The following BMPER variants were observed in gnomAD, a reference collection of about 807,000 sequenced individuals.
BMPER encodes the protein BMP binding endothelial regulator.
In BMPER, 45 loss-of-function variants were observed where a neutral mutation model predicts 87.3. The ratio of observed to expected loss-of-function variants is 0.52; its 90% CI spans 0.41 to 0.66. The LOEUF (loss-of-function observed/expected upper bound fraction) is 0.66, where lower values mean the gene tolerates loss of function less well. Among genes scored for constraint, BMPER ranks in the 30% least tolerant of loss-of-function variants. BMPER has a pLI of 0.00. For synonymous variants in BMPER, 326 were observed against 316.2 expected (o/e 1.03, Z -0.33); for missense variants, 784 against 867.5 (o/e 0.90, Z 1.21).
At chr7:33,922,972 C>T (rs118088808) in intron 2 of BMPER, among the ~76,000 whole-genome samples, 1 of 152,236 alleles carries the variant, frequency 6.6e-6, no homozygotes, top group East Asian at 1.9e-4. Flanking sequence ...CAACACATTG[C>T]TAGCTTGTTT....
chr7:33,970,379 C>A lies in BMPER; in HGVS notation c.453C>A (p.Asn151Lys), dbSNP rs1403986822. The change falls in exon 5 of 15, where the codon AAC becomes AAA. Residue 151 changes from asparagine (N) to lysine (K), a missense_variant. Physicochemically the swap from Asn to Lys is moderately conservative, Grantham distance 94. Transcript: ENST00000649409. ...SGVRCVVHCK[N>K]PLEHLGMCCP... is the part of the protein sequence containing the mutation. ...TGCGCTGTGTTGTTCATTGTAAAAA[C>A]CCTTTGGAGCATCTGGGAATGTGCT... The A allele has an allele frequency of 6.2e-7, 1 of 1,614,158 alleles. No homozygotes were observed. The highest frequency in any genetic ancestry group is 2.2e-5 in the East Asian group (1 of 44,888).
At chr7:34,014,199 G>T (rs746272271) in intron 6 of BMPER, among the ~76,000 whole-genome samples, 1 of 151,846 alleles carries the variant, frequency 6.6e-6, no homozygotes, top group African/African-American at 2.4e-5. Flanking sequence ...GCACATTGTG[G>T]GTTGCTGTTT....
chr7:34,010,370 A>C (rs996799349), intron 6 of BMPER, among the ~76,000 whole-genome samples: 23 of 151,976 alleles, frequency 1.5e-4, no homozygotes, highest in African/African-American at 5.3e-4. Context: ...GGTTTAACTT[A>C]TTAATTTAGT....
chr7:33,926,890 G>A (rs933830141), intron 2 of BMPER, among the ~76,000 whole-genome samples: 1 of 152,210 alleles, frequency 6.6e-6, no homozygotes, highest in Non-Finnish European at 1.5e-5. Flanking sequence ...TGGTACCAAC[G>A]TAAATATAGC....
At chr7:34,135,518 T>A (rs908062197) in intron 13 of BMPER, among the ~76,000 whole-genome samples, 1 of 152,150 alleles carries the variant, frequency 6.6e-6, no homozygotes. Flanking sequence ...ACCAGCCCCC[T>A]GTCCTGTGAG....
intron 6 of BMPER, among the ~76,000 whole-genome samples, chr7:34,001,816 G>A (rs1786589165): frequency 6.6e-6 from 1 of 151,398 alleles, no homozygotes; most frequent in Non-Finnish European, 1.5e-5. Flanking sequence ...GTGTTTACAG[G>A]TACGCATTTC....
chr7:33,962,819 A>C (rs964208859), intron 3 of BMPER, among the ~76,000 whole-genome samples: 2 of 152,272 alleles, frequency 1.3e-5, no homozygotes, highest in Non-Finnish European at 2.9e-5. Context: ...ATTTAAAGAA[A>C]AAAAAAAGCT....
chr7:33,932,094 G>C (rs1784495949), intron 2 of BMPER, among the ~76,000 whole-genome samples: 1 of 152,168 alleles, frequency 6.6e-6, no homozygotes, highest in African/African-American at 2.4e-5. Context: ...TTCAGCTTTA[G>C]AGCCTCCACT....
Position 34,006,712 on chromosome 7 carries a change from G to A in BMPER, c.576+31928G>A, listed in dbSNP as rs191236695. Among the ~76,000 whole-genome samples the A allele has an allele frequency of 2.0e-4, 31 of 152,154 alleles. No individual in the cohort carries two copies. In the East Asian group the frequency reaches 3.3e-3, roughly 16 times the overall value. ...TAATGCTATTTTACTTGCAAACAGAGATGTTTCAGTTATGGACGTCTGTGT... is the reference window on the plus strand; with the variant it reads ...TAATGCTATTTTACTTGCAAACAGAAATGTTTCAGTTATGGACGTCTGTGT... On this transcript the variant is annotated intron_variant, in intron 6 of 14. Transcript: ENST00000649409.
intron 13 of BMPER, among the ~76,000 whole-genome samples, chr7:34,095,628 A>G (rs796196992): frequency 1.2e-4 from 18 of 152,354 alleles, no homozygotes; most frequent in African/African-American, 3.8e-4. Flanking sequence ...CTCTGAGAAA[A>G]GTGAAAGAAC....
chr7:33,914,326 C>T (rs17170489), intron 2 of BMPER, among the ~76,000 whole-genome samples: 53,507 of 151,988 alleles, frequency 0.35, 9,808 homozygotes, highest in Middle Eastern at 0.56. Flanking sequence ...AGTGCACCAA[C>T]GTGCCATGAC....
chr7:33,926,701 G>A (rs1299804347), intron 2 of BMPER, among the ~76,000 whole-genome samples: 3 of 152,218 alleles, frequency 2.0e-5, no homozygotes, highest in Non-Finnish European at 2.9e-5. Flanking sequence ...AGAGAACACA[G>A]TGCTAATGGC....
At chr7:34,011,350 G>A (rs1338615458) in intron 6 of BMPER, among the ~76,000 whole-genome samples, 2 of 151,710 alleles carry the variant, frequency 1.3e-5, no homozygotes, top group Non-Finnish European at 2.9e-5. Context: ...TAGCAAGGAC[G>A]AGGAATAATG....
chr7:33,965,881 A>G (rs1417295985), intron 3 of BMPER, among the ~76,000 whole-genome samples: 1 of 151,938 alleles, frequency 6.6e-6, no homozygotes, highest in East Asian at 1.9e-4. Flanking sequence ...TTAGATGGGT[A>G]GTTTCAGATT....
chr7:34,076,819 G>A (rs1232542613), intron 11 of BMPER, among the ~76,000 whole-genome samples: 2 of 152,120 alleles, frequency 1.3e-5, no homozygotes, highest in Non-Finnish European at 2.9e-5. Flanking sequence ...GGCATTCCCT[G>A]TGCCTGCTCC....
At position 34,153,199 on chromosome 7, in the gene BMPER, G is replaced by GT. The variant is rs764353471; in HGVS notation, c.1984_1985insT (p.Gly662ValfsTer82). On this transcript the variant is annotated frameshift_variant, in exon 15 of 15. Coordinates refer to ENST00000649409, the MANE Select transcript of BMPER (RefSeq NM_001365308.1). LOFTEE classifies it high-confidence loss of function. ...TCCATGCAACAAGCCGTGCGTTGCTGGGTGCCACTGTCCAGCAAACTTGGT... is the reference window on the plus strand; with the variant it reads ...TCCATGCAACAAGCCGTGCGTTGCTGTGGTGCCACTGTCCAGCAAACTTGGT... 6.2e-7 allele frequency: 1 copy of GT among 1,614,076 alleles called. No homozygotes were observed. Among genetic ancestry groups the GT allele is most frequent in the South Asian group, 1.1e-5 (1 of 91,076 alleles).
intron 2 of BMPER, among the ~76,000 whole-genome samples, chr7:33,920,217 C>T (rs550207202): frequency 4.6e-5 from 7 of 152,148 alleles, no homozygotes; most frequent in Non-Finnish European, 5.9e-5. Flanking sequence ...AGTTGTAGGT[C>T]GTTAACAAGT....
intron 11 of BMPER, among the ~76,000 whole-genome samples, chr7:34,075,512 G>T (rs1157721350): frequency 6.6e-6 from 1 of 152,146 alleles, no homozygotes; most frequent in East Asian, 1.9e-4. Flanking sequence ...TCAAAACAAA[G>T]ATGAGATCTA....
In BMPER at chr7:33,978,054, G is replaced by A. The variant is rs572790471; in HGVS notation, c.576+3270G>A. 2.6e-4 allele frequency among the ~76,000 whole-genome samples: 40 copies of A among 152,244 alleles called. No homozygotes were observed. In the East Asian group the frequency reaches 6.6e-3, roughly 25 times the overall value. The stretch of plus-strand genomic sequence containing the variant: ...AAAATTCATGGGTTGAAACTTAATC[G>A]CCATTGTGGTGGTATTAAGAGGTGT... On this transcript the variant is annotated intron_variant, in intron 6 of 14. Coordinates refer to ENST00000649409, the MANE Select transcript of BMPER (RefSeq NM_001365308.1).
Sources: gnomAD v4.1 joint callset for allele counts (sites outside exome capture counted in the v4.1 genomes callset) on GRCh38, gnomAD v4.1.1 for gene constraint, MANE v1.5 for transcripts, NCBI Gene and HGNC (gene_info 2026-07-23, HGNC 2026-07-21) for gene names.